Variants in HS3ST5 observed in about 807,000 individuals in gnomAD.
HS3ST5 encodes heparan sulfate-glucosamine 3-sulfotransferase 5, also known as heparan sulfate glucosamine 3-O-sulfotransferase 5.
HS3ST5 carries 10 observed loss-of-function variants against 25.4 expected under a neutral mutation model. The observed-to-expected ratio is 0.39, with a 90% confidence interval of 0.24 to 0.67. HS3ST5 has a LOEUF of 0.67. HS3ST5 is among the 30% of genes least tolerant of loss of function. HS3ST5 has a pLI of 0.44. For missense variants in HS3ST5, 324 were observed against 420.7 expected (o/e 0.77, Z 2.01); for synonymous variants, 170 against 162.4 (o/e 1.05, Z -0.36).
chr6:114,058,158 A>C lies in HS3ST5; in HGVS notation c.140T>G (p.Leu47Arg), dbSNP rs146236137. 75 of 1,609,234 alleles carry C rather than the reference A, an allele frequency of 4.7e-5. No individual in the cohort carries two copies. The highest frequency in any genetic ancestry group is 6.2e-5 in the Non-Finnish European group (73 of 1,176,286). Residue 47 changes from leucine (L) to arginine (R), a missense_variant, in exon 5 of 5, where the codon CTG becomes CGG. Leu to Arg is a moderately radical substitution (Grantham distance 102, BLOSUM62 -2). Around this residue, in one of 2 missense-constraint regions of HS3ST5, gnomAD observed 121 missense variants for 117.3 expected, o/e 1.03. Coordinates refer to ENST00000312719, the MANE Select transcript of HS3ST5 (RefSeq NM_153612.4). ...LQPICPIEGRLGGARTQAEFP... is the reference protein window; with the variant it reads ...LQPICPIEGRRGGARTQAEFP... ...TTCAGCCTGAGTGCGGGCTCCACCC[A>C]GTCGACCTTCAATGGGGCAAATGGG...
At chr6:114,149,396 C>T (rs1778340948) in intron 3 of HS3ST5, among the ~76,000 whole-genome samples, 1 of 152,132 alleles carries the variant, frequency 6.6e-6, no homozygotes, top group Admixed American at 6.5e-5. Flanking sequence ...GAATACTATG[C>T]AGCCATAAAA....
intron 1 of HS3ST5, among the ~76,000 whole-genome samples, chr6:114,238,355 A>G (rs1212723255): frequency 6.6e-6 from 1 of 152,212 alleles, no homozygotes; most frequent in Non-Finnish European, 1.5e-5. Flanking sequence ...GGCCAAAGGA[A>G]AGAGCATCAG....
chr6:114,305,478 T>C (rs7739768), intron 1 of HS3ST5, among the ~76,000 whole-genome samples: 58,773 of 151,910 alleles, frequency 0.39, 11,623 homozygotes, highest in South Asian at 0.42. Flanking sequence ...TGATGTTCCA[T>C]GAAAAAGTGG....
At chr6:114,158,356 T>G (rs1889556) in intron 3 of HS3ST5, among the ~76,000 whole-genome samples, 50,955 of 152,110 alleles carry the variant, frequency 0.33, 9,321 homozygotes, top group East Asian at 0.6. Flanking sequence ...TTTAGTATCT[T>G]AGGCAGAGGT....
intron 3 of HS3ST5, among the ~76,000 whole-genome samples, chr6:114,114,224 A>G (rs1353057205): frequency 6.6e-6 from 1 of 152,138 alleles, no homozygotes; most frequent in East Asian, 1.9e-4. Context: ...AGTTTGACTC[A>G]CTGATGTATT....
chr6:114,318,617 C>G (rs1188815787), intron 1 of HS3ST5, among the ~76,000 whole-genome samples: 5 of 152,120 alleles, frequency 3.3e-5, no homozygotes, highest in Non-Finnish European at 7.4e-5. Flanking sequence ...TAACTGAGTC[C>G]TACCCCATCT....
intron 2 of HS3ST5, among the ~76,000 whole-genome samples, chr6:114,169,582 C>T (rs1470788030): frequency 1.3e-5 from 2 of 152,288 alleles, no homozygotes; most frequent in South Asian, 2.1e-4. Flanking sequence ...GGCTCCTTTG[C>T]TTGTGAGAAC....
intron 1 of HS3ST5, among the ~76,000 whole-genome samples, chr6:114,329,829 C>T (rs1453939449): frequency 2.0e-5 from 3 of 152,106 alleles, no homozygotes; most frequent in Non-Finnish European, 4.4e-5. Context: ...TAGGTCTCAA[C>T]AAATTTGGCA....
chr6:114,258,902 G>T (rs944406403), intron 1 of HS3ST5, among the ~76,000 whole-genome samples: 1 of 152,160 alleles, frequency 6.6e-6, no homozygotes, highest in Non-Finnish European at 1.5e-5. Flanking sequence ...AAGACATGGA[G>T]TTTGAAGAGG....
At chr6:114,217,086 A>G (rs1404893985) in intron 2 of HS3ST5, among the ~76,000 whole-genome samples, 1 of 152,232 alleles carries the variant, frequency 6.6e-6, no homozygotes, top group Non-Finnish European at 1.5e-5. Flanking sequence ...CTAACTGGCC[A>G]CATTCTCCAT....
chr6:114,112,717 TCTC>T (rs1406528909), intron 3 of HS3ST5, among the ~76,000 whole-genome samples: 1 of 152,154 alleles, frequency 6.6e-6, no homozygotes, highest in East Asian at 1.9e-4. Flanking sequence ...CACTTCTCCT[TCTC>T]CTCCAAGATA....
intron 3 of HS3ST5, among the ~76,000 whole-genome samples, chr6:114,127,447 A>T (rs1159419719): frequency 1.3e-5 from 2 of 152,186 alleles, no homozygotes; most frequent in Non-Finnish European, 2.9e-5. Flanking sequence ...CAAATTTCTT[A>T]CCACTGAGAA....
At chr6:114,087,598 G>C (rs1278473865) in intron 3 of HS3ST5, among the ~76,000 whole-genome samples, 2 of 152,170 alleles carry the variant, frequency 1.3e-5, no homozygotes, top group Non-Finnish European at 2.9e-5. Flanking sequence ...CAGGCCCAGT[G>C]AGATAAACAA....
intron 3 of HS3ST5, among the ~76,000 whole-genome samples, chr6:114,095,443 A>AT (rs1775371602): frequency 6.6e-6 from 1 of 152,184 alleles, no homozygotes; most frequent in African/African-American, 2.4e-5. Flanking sequence ...TGGCTACAAG[A>AT]TGCTCACATG....
chr6:114,254,691 C>T (rs1359051955), intron 1 of HS3ST5, among the ~76,000 whole-genome samples: 1 of 152,210 alleles, frequency 6.6e-6, no homozygotes, highest in East Asian at 1.9e-4. Context: ...AAGGTAAAGG[C>T]ATGTCTTACA....
At chr6:114,175,937 A>C (rs1779703541) in intron 2 of HS3ST5, among the ~76,000 whole-genome samples, 1 of 152,082 alleles carries the variant, frequency 6.6e-6, no homozygotes, top group South Asian at 2.1e-4. Context: ...GTATATTCTT[A>C]TGTCTTATCT....
chr6:114,110,194 T>A (rs1228660693), intron 3 of HS3ST5, among the ~76,000 whole-genome samples: 3 of 152,164 alleles, frequency 2.0e-5, no homozygotes, highest in African/African-American at 7.2e-5. Flanking sequence ...TACTTCAAAT[T>A]AATCTGTCAA....
intron 2 of HS3ST5, among the ~76,000 whole-genome samples, chr6:114,203,165 C>T (rs1024851694): frequency 1.3e-5 from 2 of 152,202 alleles, no homozygotes; most frequent in African/African-American, 4.8e-5. Context: ...TCCCCTTTTC[C>T]CTCTGAAGGC....
intron 1 of HS3ST5, among the ~76,000 whole-genome samples, chr6:114,338,298 A>G (rs1776688104): frequency 6.6e-6 from 1 of 151,782 alleles, no homozygotes; most frequent in Non-Finnish European, 1.5e-5. Context: ...ATGTATATAT[A>G]CATACACATT....
Sources: allele counts gnomAD v4.1 joint callset (sites outside exome capture counted in the v4.1 genomes callset), GRCh38; gene constraint gnomAD v4.1.1; regional missense constraint gnomAD v4.1.1; transcripts MANE v1.5; gene names NCBI Gene and HGNC (gene_info 2026-07-23, HGNC 2026-07-21).